TTC7A: variants seen among roughly 807,000 people sequenced by gnomAD.
TTC7A encodes the protein tetratricopeptide repeat protein 7A.
In TTC7A, 110 loss-of-function variants were observed where a neutral mutation model predicts 103.7. That is an observed-to-expected ratio of 1.06 (90% CI 0.91 to 1.24). TTC7A has a LOEUF of 1.24. Among genes scored for constraint, TTC7A ranks in the 50% most tolerant of loss-of-function variants. TTC7A has a pLI of 0.00. For missense variants in TTC7A, 1,340 were observed against 1,116.3 expected (o/e 1.20, Z -2.86); for synonymous variants, 521 against 467.9 (o/e 1.11, Z -1.47).
intron 5 of TTC7A, among the ~76,000 whole-genome samples, chr2:46,981,827 C>T (rs753060850): frequency 1.1e-4 from 17 of 152,220 alleles, no homozygotes; most frequent in Non-Finnish European, 2.5e-4. Flanking sequence ...CTTGAGTTCT[C>T]AATTGCCTGG....
chr2:47,001,872 A>T (rs894168306), intron 8 of TTC7A, among the ~76,000 whole-genome samples: 1 of 151,854 alleles, frequency 6.6e-6, no homozygotes, highest in African/African-American at 2.4e-5. Context: ...AAAAAAAAAA[A>T]AAAAAAAGAG....
intron 15 of TTC7A, among the ~76,000 whole-genome samples, chr2:47,032,151 G>A (rs548059506): frequency 4.6e-5 from 7 of 152,376 alleles, no homozygotes; most frequent in Non-Finnish European, 1.0e-4. Flanking sequence ...GCTGCCTTGA[G>A]GTTGGTGACT....
chr2:46,961,853 G>C (rs1410427022), intron 3 of TTC7A, among the ~76,000 whole-genome samples: 1 of 150,770 alleles, frequency 6.6e-6, no homozygotes, highest in Non-Finnish European at 1.5e-5. Context: ...AGGTTGCAGT[G>C]ACCCGAGATC....
intron 19 of TTC7A, among the ~76,000 whole-genome samples, chr2:47,061,624 T>G (rs1683789456): frequency 6.6e-6 from 1 of 152,224 alleles, no homozygotes; most frequent in Non-Finnish European, 1.5e-5. Flanking sequence ...GATACTCTTG[T>G]CCTGGCCTTA....
At chr2:47,005,062 C>T (rs888417805) in intron 8 of TTC7A, among the ~76,000 whole-genome samples, 1 of 152,160 alleles carries the variant, frequency 6.6e-6, no homozygotes, top group African/African-American at 2.4e-5. Context: ...TCTCCTACCG[C>T]CACCCCCAGC....
chr2:46,941,975 G>T lies in TTC7A; in HGVS notation c.184+250G>T. On this transcript the variant is annotated intron_variant, in intron 1 of 19. Transcript: ENST00000319190. This position sits in a 1 kb window ranked among gnomAD's most constrained non-coding sequence, Gnocchi z 4.2. ...CCTTTAGGATAATGTGGCTAACTCTGTCTACCGTGAAATGGTGGTATCTGC... is the reference window on the plus strand; with the variant it reads ...CCTTTAGGATAATGTGGCTAACTCTTTCTACCGTGAAATGGTGGTATCTGC... The T allele has an allele frequency of 1.7e-6, 1 of 582,558 alleles. No homozygotes were observed. The highest frequency in any genetic ancestry group is 2.0e-5 in the South Asian group (1 of 49,016). The allele number at this position is 582,558 out of a possible 1,614,324, so 36.1% of individuals were successfully genotyped here. A position where few individuals can be genotyped will look rare whatever the true frequency, so the allele number is the denominator to read the frequency against.
intron 15 of TTC7A, among the ~76,000 whole-genome samples, chr2:47,041,861 C>T (rs548595191): frequency 6.6e-6 from 1 of 151,918 alleles, no homozygotes; most frequent in African/African-American, 2.4e-5. Context: ...TTCCCTCCAC[C>T]CTTCTAGGGA....
At chr2:46,953,819 C>CTTTTTTTTTTTT (rs1041498077) in intron 2 of TTC7A, among the ~76,000 whole-genome samples, 1 of 141,072 alleles carries the variant, frequency 7.1e-6, no homozygotes. Context: ...TTCTTTCTTT[C>CTTTTTTTTTTTT]TTTTTTTTTT....
chr2:47,069,061 AC>A (rs1447704677), intron 19 of TTC7A, among the ~76,000 whole-genome samples: 1 of 151,772 alleles, frequency 6.6e-6, no homozygotes, highest in African/African-American at 2.4e-5. Context: ...CACTTCTAGA[AC>A]CCGGGATCCA....
At chr2:47,040,290 G>A (rs1189474140) in intron 15 of TTC7A, 2 of 152,260 alleles carry the variant, frequency 1.3e-5, no homozygotes, top group East Asian at 3.9e-4. Context: ...TCCTTCCCTA[G>A]CCCCAGGAGT....
chr2:47,070,446 G>C (rs1221541851), intron 19 of TTC7A, among the ~76,000 whole-genome samples: 1 of 152,220 alleles, frequency 6.6e-6, no homozygotes, highest in Non-Finnish European at 1.5e-5. Context: ...CTGCATTTGG[G>C]CTACATCCTG....
chr2:46,951,688 G>A (rs1240326019), intron 2 of TTC7A: 1 of 456,252 alleles, frequency 2.2e-6, no homozygotes, highest in East Asian at 6.9e-5. Context: ...TGGGATTACA[G>A]GAGTGAGGCA....
Position 47,063,065 on chromosome 2 carries a change from A to G in TTC7A, c.2355+2094A>G, listed in dbSNP as rs973465794. ...TGCTAAGCGCTCATTTTCTAAAGAC[A>G]TTTGAACACTTTAGTGAGTCGATCT... On this transcript the variant is annotated intron_variant, in intron 19 of 19. Coordinates refer to ENST00000319190, the MANE Select transcript of TTC7A (RefSeq NM_020458.4). Among the ~76,000 whole-genome samples the G allele has an allele frequency of 3.3e-5, 5 of 152,236 alleles. No homozygotes were observed. In the East Asian group the frequency reaches 5.8e-4, roughly 18 times the overall value.
chr2:46,989,722 C>T (rs1317300770), intron 5 of TTC7A, among the ~76,000 whole-genome samples: 3 of 151,668 alleles, frequency 2.0e-5, no homozygotes, highest in African/African-American at 7.3e-5. Context: ...TGGGAGCTTA[C>T]ATGCTAGAGT....
At chr2:47,060,683 C>G in intron 18 of TTC7A, 86 bp from the exon 19 acceptor site, 4 of 1,307,634 alleles carry the variant, frequency 3.1e-6, no homozygotes, top group Non-Finnish European at 4.3e-6. Flanking sequence ...AAGACTAGTT[C>G]CCTGGCTCTG....
intron 2 of TTC7A, among the ~76,000 whole-genome samples, chr2:46,955,772 C>A (rs1168930608): frequency 6.6e-6 from 1 of 152,178 alleles, no homozygotes; most frequent in Non-Finnish European, 1.5e-5. Context: ...AGACTCTTAC[C>A]TCCCTACAGG....
In TTC7A at chr2:47,006,019, T is replaced by G; in HGVS notation, c.1163T>G (p.Ile388Ser). 1 of 1,612,584 alleles carries G rather than the reference T, an allele frequency of 6.2e-7. No individual in the cohort carries two copies. Among genetic ancestry groups the G allele is most frequent in the African/African-American group, 1.3e-5 (1 of 74,454 alleles). The change falls in exon 9 of 20, where the codon ATC becomes AGC. Residue 388 changes from isoleucine to serine, a missense_variant. By Grantham distance (142) the Ile-to-Ser change is moderately radical (BLOSUM62 -2). Coordinates refer to ENST00000319190, the MANE Select transcript of TTC7A (RefSeq NM_020458.4). ...NAAAIYDLLS[I>S]TLGRRGQYVM... ...GCAGCCATCTATGACCTCCTGAGCATCACGTTGGGCAGAAGGGGACAGTAC... is the reference window on the plus strand; with the variant it reads ...GCAGCCATCTATGACCTCCTGAGCAGCACGTTGGGCAGAAGGGGACAGTAC...
At chr2:47,016,098 C>T (rs537968774) in intron 11 of TTC7A, among the ~76,000 whole-genome samples, 123 of 152,304 alleles carry the variant, frequency 8.1e-4, no homozygotes, top group African/African-American at 2.9e-3. Context: ...AAATGGAAGG[C>T]AGTCCTGGGC....
chr2:46,960,604 G>A (rs1370931034), intron 3 of TTC7A, among the ~76,000 whole-genome samples: 3 of 152,176 alleles, frequency 2.0e-5, no homozygotes, highest in East Asian at 3.8e-4. Context: ...TGATGTACAC[G>A]CACATTACCG....
Sources: allele counts gnomAD v4.1 joint callset (sites outside exome capture counted in the v4.1 genomes callset), GRCh38; gene constraint gnomAD v4.1.1; non-coding constraint Gnocchi (gnomAD v3.1); transcripts MANE v1.5; gene names NCBI Gene and HGNC (gene_info 2026-07-23, HGNC 2026-07-21).